The following GOLGB1 variants were observed in gnomAD, a reference collection of about 807,000 sequenced individuals.
GOLGB1 encodes golgin B1.
Under a neutral mutation model 336.9 loss-of-function variants are expected in GOLGB1, and 174 were observed. The observed-to-expected ratio is 0.52, with a 90% CI of 0.46 to 0.59. The LOEUF is 0.59. Ranked by LOEUF, GOLGB1 falls within the 20% of genes least tolerant of loss-of-function variation. GOLGB1 has a pLI of 0.00. For synonymous variants in GOLGB1, 1,208 were observed against 1,289.2 expected (o/e 0.94, Z 1.35); for missense variants, 3,331 against 3,645.3 (o/e 0.91, Z 2.22).
chr3:121,665,664 T>C (rs921357356), intron 20 of GOLGB1, among the ~76,000 whole-genome samples: 3 of 152,236 alleles, frequency 2.0e-5, no homozygotes, highest in Non-Finnish European at 4.4e-5. Context: ...GAAGCTGCCA[T>C]TACTCACTCA....
chr3:121,748,820 T>C, intron 1 of GOLGB1: 2 of 984,000 alleles, frequency 2.0e-6, no homozygotes, highest in South Asian at 9.4e-5. Context: ...ACTCTCAAAC[T>C]GTCCGCTCCC....
chr3:121,737,963 T>A (rs1164017231), intron 1 of GOLGB1, among the ~76,000 whole-genome samples: 1 of 152,176 alleles, frequency 6.6e-6, no homozygotes, highest in Non-Finnish European at 1.5e-5. Flanking sequence ...CAACACAGTG[T>A]CATACATGAG....
At chr3:121,719,254 G>T (rs541189218) in intron 7 of GOLGB1, among the ~76,000 whole-genome samples, 2 of 152,210 alleles carry the variant, frequency 1.3e-5, no homozygotes, top group Non-Finnish European at 1.5e-5. Context: ...TCTAATAAAA[G>T]ACTTCATGTC....
chr3:121,713,304 C>T (rs1479683732), intron 10 of GOLGB1, among the ~76,000 whole-genome samples: 1 of 152,188 alleles, frequency 6.6e-6, no homozygotes, highest in Non-Finnish European at 1.5e-5. Flanking sequence ...GTCCACATAA[C>T]TATTTGTATG....
At chr3:121,721,970 A>C (rs1175343338) in intron 6 of GOLGB1, among the ~76,000 whole-genome samples, 1 of 152,180 alleles carries the variant, frequency 6.6e-6, no homozygotes, top group African/African-American at 2.4e-5. Flanking sequence ...GTCTGCTATT[A>C]AAATTAAGTT....
In GOLGB1 at chr3:121,698,629, T is replaced by C. The variant is rs1276122631; in HGVS notation, c.1894A>G (p.Asn632Asp). The C allele has an allele frequency of 3.7e-6, 6 of 1,613,740 alleles. No individual in the cohort carries two copies. Among genetic ancestry groups the C allele is most frequent in the African/African-American group, 1.3e-5 (1 of 74,910 alleles). ...DTGQDFPLMPNEESSLPAVEK... is the reference protein window; with the variant it reads ...DTGQDFPLMPDEESSLPAVEK... Reference sequence around the variant, plus strand: ...ACTGCTGGAAGACTGCTCTCTTCATTTGGCATTAAGGGAAAATCTTGCCCT... The same window carrying C: ...ACTGCTGGAAGACTGCTCTCTTCATCTGGCATTAAGGGAAAATCTTGCCCT... The change falls in exon 13 of 22, where the codon AAT becomes GAT. Residue 632 changes from asparagine (N) to aspartate (D), a missense_variant. By Grantham distance (23) the Asn-to-Asp change is conservative. Coordinates refer to ENST00000614479, the MANE Select transcript of GOLGB1 (RefSeq NM_001366282.2).
Position 121,739,685 on chromosome 3 carries a change from C to T in GOLGB1, c.-2-8712G>A, listed in dbSNP as rs1012074554. Among the ~76,000 whole-genome samples the T allele has an allele frequency of 9.2e-5, 14 of 152,008 alleles. No individual in the cohort carries two copies. The East Asian group carries it at 2.1e-3, about 23-fold the overall frequency. On this transcript the variant is annotated intron_variant, in intron 1 of 21. Transcript: ENST00000614479. ...ACCTAAAAAACTAGATATGCAACTACCTTATGACCCTCAATTCCACTCCCC... is the reference window on the plus strand; with the variant it reads ...ACCTAAAAAACTAGATATGCAACTATCTTATGACCCTCAATTCCACTCCCC...
At chr3:121,743,665 T>C (rs1260004294) in intron 1 of GOLGB1, among the ~76,000 whole-genome samples, 8 of 152,234 alleles carry the variant, frequency 5.3e-5, no homozygotes, top group Middle Eastern at 6.8e-3. Context: ...AAATTATAAA[T>C]ACACATATTT....
At chr3:121,686,766 G>A (rs1374327101) in intron 14 of GOLGB1, among the ~76,000 whole-genome samples, 1 of 152,148 alleles carries the variant, frequency 6.6e-6, no homozygotes, top group African/African-American at 2.4e-5. Flanking sequence ...CGAAATGTAA[G>A]AAGAGGATCT....
At chr3:121,699,737 G>GGA (rs1943234942) in intron 12 of GOLGB1, 75 bp downstream of exon 12, 2 of 816,388 alleles carry the variant, frequency 2.4e-6, no homozygotes, top group Admixed American at 4.5e-5. Flanking sequence ...AGAAAATTAT[G>GGA]GACGTATTTT....
chr3:121,694,600 C>G lies in GOLGB1; in HGVS notation c.5923G>C (p.Glu1975Gln), dbSNP rs1162734890. ...NLKKCVSELEEEKQQLVKEKT... is the reference protein window; with the variant it reads ...NLKKCVSELEQEKQQLVKEKT... ...TCCTTGACTAACTGCTGCTTTTCTTCTTCCAATTCACTCACACACTTTTTA... is the reference window on the plus strand; with the variant it reads ...TCCTTGACTAACTGCTGCTTTTCTTGTTCCAATTCACTCACACACTTTTTA... Residue 1975 changes from glutamate to glutamine, a missense_variant, in exon 13 of 22, where the codon GAA (glutamate) becomes CAA (glutamine). Coordinates refer to ENST00000614479, the MANE Select transcript of GOLGB1 (RefSeq NM_001366282.2). The G allele has an allele frequency of 6.2e-7, 1 of 1,612,164 alleles. No individual in the cohort carries two copies. The highest frequency in any genetic ancestry group is 8.5e-7 in the Non-Finnish European group (1 of 1,179,976).
Position 121,716,806 on chromosome 3 carries a change from T to G in GOLGB1, c.1219A>C (p.Asn407His). The part of the protein sequence containing the change: ...QSACDALKDQ[N>H]SKLLQDKNEQ... ...TTCTTATCTTGGAGAAGCTTTGAAT[T>G]TTGATCCTTTAGAGCATCACAGGCA... The change falls in exon 9 of 22, where the codon AAT becomes CAT. Residue 407 changes from asparagine to histidine, a missense_variant. Physicochemically the swap from Asn to His is moderately conservative, Grantham distance 68. Transcript: ENST00000614479. The G allele has an allele frequency of 6.2e-7, 1 of 1,613,676 alleles. No homozygotes were observed. The highest frequency in any genetic ancestry group is 8.5e-7 in the Non-Finnish European group (1 of 1,179,620).
intron 17 of GOLGB1, among the ~76,000 whole-genome samples, chr3:121,671,222 C>A (rs1042397961): frequency 2.0e-5 from 3 of 152,160 alleles, no homozygotes; most frequent in Non-Finnish European, 4.4e-5. Flanking sequence ...TGTATCTATA[C>A]CTGTAAAAAC....
At chr3:121,737,590 G>A (rs1946566863) in intron 1 of GOLGB1, among the ~76,000 whole-genome samples, 1 of 151,434 alleles carries the variant, frequency 6.6e-6, no homozygotes, top group Non-Finnish European at 1.5e-5. Context: ...GGTGGAGGTT[G>A]CAGTGAGCCA....
chr3:121,677,284 C>T lies in GOLGB1; in HGVS notation c.9039+1G>A. ...TAACAATCAGCATTGAAATTACTCA[C>T]CTGTCTTTGGTATTGCACTTTGAGA... On this transcript the variant is annotated splice_donor_variant, in intron 16 of 21. Transcript: ENST00000614479. LOFTEE classifies it high-confidence loss of function. 1 of 1,595,768 alleles carries T rather than the reference C, an allele frequency of 6.3e-7. No homozygotes were observed. The highest frequency in any genetic ancestry group is 8.6e-7 in the Non-Finnish European group (1 of 1,167,056).
intron 14 of GOLGB1, among the ~76,000 whole-genome samples, chr3:121,687,833 T>C (rs1358875326): frequency 6.6e-6 from 1 of 152,180 alleles, no homozygotes; most frequent in Non-Finnish European, 1.5e-5. Flanking sequence ...AATTACAGCT[T>C]TGAGGCACAT....
Position 121,698,573 on chromosome 3 carries a change from T to C in GOLGB1, c.1950A>G (p.Gln650=). The C allele has an allele frequency of 9.3e-6, 15 of 1,613,942 alleles. No homozygotes were observed. The highest frequency in any genetic ancestry group is 1.2e-5 in the Non-Finnish European group (14 of 1,179,870). Residue 650 remains glutamine, a synonymous_variant, in exon 13 of 22, where the codon CAA becomes CAG. Transcript: ENST00000614479. ...VEKEQASTEH[Q]SRTSEEISLN... ...AAGATATTTCCTCAGATGTTCTACT[T>C]TGATGTTCAGTGCTCGCCTGTTCTT...
In GOLGB1 at chr3:121,729,254, T is replaced by G; in HGVS notation, c.336A>C (p.Glu112Asp). ...AKLTSLNKYI[E>D]EMKAQGGTVL... ...CAGTCCCTCCTTGTGCTTTCATTTC[T>G]TCTATGTATTTATTCAAAGAAGTTA... is the stretch of plus-strand genomic sequence containing the variant. The change falls in exon 4 of 22, where the codon GAA (glutamate) becomes GAC (aspartate). Residue 112 changes from glutamate (E) to aspartate (D), a missense_variant. Physicochemically the swap from Glu to Asp is conservative, Grantham distance 45. Coordinates refer to ENST00000614479, the MANE Select transcript of GOLGB1 (RefSeq NM_001366282.2). The G allele has an allele frequency of 6.2e-7, 1 of 1,613,052 alleles. No individual in the cohort carries two copies. Among genetic ancestry groups the G allele is most frequent in the Non-Finnish European group, 8.5e-7 (1 of 1,179,092 alleles).
At chr3:121,693,452 C>T (rs1445659872) in intron 13 of GOLGB1, among the ~76,000 whole-genome samples, 2 of 152,198 alleles carry the variant, frequency 1.3e-5, no homozygotes, top group Non-Finnish European at 2.9e-5. Context: ...CGTGCCATTG[C>T]ATTCCAGCCT....
Sources: gnomAD v4.1 joint callset for allele counts (sites outside exome capture counted in the v4.1 genomes callset) on GRCh38, gnomAD v4.1.1 for gene constraint, MANE v1.5 for transcripts, NCBI Gene and HGNC (gene_info 2026-07-23, HGNC 2026-07-21) for gene names.